INSIG1: variants seen among roughly 807,000 people sequenced by gnomAD.
INSIG1 encodes the protein insulin induced gene 1, also known as insulin-induced gene 1 protein.
A neutral mutation model predicts 26.5 loss-of-function variants in INSIG1; 14 were observed. That is an observed-to-expected ratio of 0.53 (90% CI 0.35 to 0.83). The LOEUF is 0.83. INSIG1 is among the 40% of genes least tolerant of loss of function. The probability of loss-of-function intolerance (pLI) is 0.01; values close to 1 mark genes in which losing one functional copy is unlikely to be tolerated. For missense variants in INSIG1, 272 were observed against 368.9 expected (o/e 0.74, Z 2.15); for synonymous variants, 147 against 153.3 (o/e 0.96, Z 0.30).
chr7:155,302,667 C>G lies in INSIG1; in HGVS notation c.705-80C>G, dbSNP rs1797822363. ...GATGGTTGATATGCGTTCTGCATAT[C>G]CCCACTACAGAGAATCTGTGATGTA... On this transcript the variant is annotated intron_variant, in intron 4 of 5. Transcript: ENST00000340368. The surrounding 1 kb of genome is among the most constrained non-coding windows in gnomAD (Gnocchi z 4.3). 2.9e-6 allele frequency: 3 copies of G among 1,031,364 alleles called. No homozygotes were observed. The highest frequency in any genetic ancestry group is 4.6e-6 in the Non-Finnish European group (3 of 658,344). The allele number at this position is 1,031,364 out of a possible 1,614,324, so 63.9% of individuals were successfully genotyped here.
intron 5 of INSIG1, among the ~76,000 whole-genome samples, chr7:155,307,215 ATTG>A (rs1797960183): frequency 6.6e-6 from 1 of 152,186 alleles, no homozygotes; most frequent in African/African-American, 2.4e-5. Context: ...AGAAGGTCTT[ATTG>A]TGTGTGTCCC....
At position 155,298,385 on chromosome 7, in the gene INSIG1, G is replaced by A. The variant is rs758403899; in HGVS notation, c.100G>A (p.Val34Ile). ...CAGCGCCGCGGGGCTGGCGGCCAAG[G>A]TTGGGGAGATGATCAACGTTTCCGT... ...RASAAGLAAK[V>I]GEMINVSVSG... The change falls in exon 2 of 6, where the codon GTT (valine) becomes ATT (isoleucine). Residue 34 changes from valine (V) to isoleucine (I), a missense_variant. Around this residue, in one of 2 missense-constraint regions of INSIG1, gnomAD observed 161 missense variants for 179.2 expected, o/e 0.90. Coordinates refer to ENST00000340368, the MANE Select transcript of INSIG1 (RefSeq NM_005542.6). 3 of 1,563,676 alleles carry A rather than the reference G, an allele frequency of 1.9e-6. No homozygotes were observed. The highest frequency in any genetic ancestry group is 4.6e-5 in the East Asian group (2 of 43,222).
At chr7:155,298,155 G>T (rs1301698978) in intron 1 of INSIG1, 104 bp from the exon 2 acceptor site, 3 of 1,013,630 alleles carry the variant, frequency 3.0e-6, no homozygotes, top group East Asian at 6.5e-5. Context: ...TCTAACCTTG[G>T]GGGGCGGCGC....
At position 155,302,809 on chromosome 7, in the gene INSIG1, G is replaced by A; in HGVS notation, c.767G>A (p.Gly256Asp). The change falls in exon 5 of 6, where the codon GGC becomes GAC. Residue 256 changes from glycine (G) to aspartate (D), a missense_variant. Physicochemically the swap from Gly to Asp is moderately conservative, Grantham distance 94. Coordinates refer to ENST00000340368, the MANE Select transcript of INSIG1 (RefSeq NM_005542.6). This position sits in a 1 kb window ranked among gnomAD's most constrained non-coding sequence, Gnocchi z 4.3. ...CTCCCTTGTATATTTTTCTCAGGAGGCGTCACGGTGGGGAACATAGGACGA... is the reference window on the plus strand; with the variant it reads ...CTCCCTTGTATATTTTTCTCAGGAGACGTCACGGTGGGGAACATAGGACGA... ...SWLPCIFFSG[G>D]VTVGNIGRQL... The A allele has an allele frequency of 6.2e-7, 1 of 1,612,256 alleles. No individual in the cohort carries two copies. The highest frequency in any genetic ancestry group is 1.1e-5 in the South Asian group (1 of 91,046).
intron 1 of INSIG1, 71 bp downstream of exon 1, chr7:155,298,030 A>G (rs1022289503): frequency 2.9e-5 from 10 of 347,208 alleles, no homozygotes; most frequent in African/African-American, 1.9e-4. Flanking sequence ...CCCCGGAGGT[A>G]GGCGGGCGCG....
chr7:155,308,204 T>C (rs200908027), intron 5 of INSIG1, 37 bp from the exon 6 acceptor site: 2 of 1,131,050 alleles, frequency 1.8e-6, no homozygotes, highest in Middle Eastern at 2.0e-4. Context: ...TTAGTGCTAA[T>C]TTTCTCTTTC....
chr7:155,298,137 C>A, intron 1 of INSIG1, 122 bp from the exon 2 acceptor site: 5 of 770,942 alleles, frequency 6.5e-6, no homozygotes, highest in Non-Finnish European at 7.3e-6. Context: ...CGGGCGGGCG[C>A]ACGGGGGTCT....
Position 155,298,408 on chromosome 7 carries a change from C to T in INSIG1, c.123C>T (p.Ser41=), listed in dbSNP as rs1797686700. The change falls in exon 2 of 6, where the codon TCC becomes TCT. Residue 41 remains serine (S), a synonymous_variant. Transcript: ENST00000340368. ...AGGTTGGGGAGATGATCAACGTTTCCGTGTCCGGGCCCTCCCTGCTGGCGG... is the reference window on the plus strand; with the variant it reads ...AGGTTGGGGAGATGATCAACGTTTCTGTGTCCGGGCCCTCCCTGCTGGCGG... The part of the protein sequence containing the change: ...AAKVGEMINV[S]VSGPSLLAAH... 1.3e-6 allele frequency: 2 copies of T among 1,558,812 alleles called. No homozygotes were observed.
chr7:155,302,932 T>A lies in INSIG1; in HGVS notation c.804+86T>A. ...TTTACATGATACATTCAAATTTGCG[T>A]TCATATATTCTGGTTCAGACTTGAG... On this transcript the variant is annotated intron_variant, in intron 5 of 5. Coordinates refer to ENST00000340368, the MANE Select transcript of INSIG1 (RefSeq NM_005542.6). The surrounding 1 kb of genome is among the most constrained non-coding windows in gnomAD (Gnocchi z 4.3). 1.1e-6 allele frequency: 1 copy of A among 913,360 alleles called. No homozygotes were observed. Among genetic ancestry groups the A allele is most frequent in the South Asian group, 1.5e-5 (1 of 68,870 alleles). The allele number at this position is 913,360 out of a possible 1,614,324, so 56.6% of individuals were successfully genotyped here.
At chr7:155,304,189 C>T (rs908103299) in intron 5 of INSIG1, among the ~76,000 whole-genome samples, 2 of 152,182 alleles carry the variant, frequency 1.3e-5, no homozygotes, top group Non-Finnish European at 1.5e-5. Flanking sequence ...GGCTCGAACT[C>T]GTGGGCTCAA....
intron 5 of INSIG1, among the ~76,000 whole-genome samples, chr7:155,304,985 A>AAAAG (rs1382417086): frequency 6.6e-6 from 1 of 150,824 alleles, no homozygotes; most frequent in Non-Finnish European, 1.5e-5. Context: ...AAAATACAAA[A>AAAAG]AAAAAAAAAA....
At chr7:155,304,981 C>CAAAAAA (rs764489772) in intron 5 of INSIG1, among the ~76,000 whole-genome samples, 1 of 129,794 alleles carries the variant, frequency 7.7e-6, no homozygotes, top group Non-Finnish European at 1.6e-5. Context: ...ACTAAAAATA[C>CAAAAAA]AAAAAAAAAA....
rs1183555700 is a variant in INSIG1 at position 155,309,083 on chromosome 7, G to A, written c.*813G>A. 1.3e-5 allele frequency: 2 copies of A among 152,512 alleles called. No individual in the cohort carries two copies. Among genetic ancestry groups the A allele is most frequent in the East Asian group, 3.9e-4 (2 of 5,192 alleles). The allele number at this position is 152,512 out of a possible 1,614,324, so 9.4% of individuals were successfully genotyped here. A position where few individuals can be genotyped will look rare whatever the true frequency, so the allele number is the denominator to read the frequency against. On this transcript the variant is annotated 3_prime_UTR_variant, in exon 6 of 6. Coordinates refer to ENST00000340368, the MANE Select transcript of INSIG1 (RefSeq NM_005542.6). ...ATTTCAATCTTAGTGAGCCAAAATT[G>A]TTTGTTTGTTACTACAGAATAGAGA...
At chr7:155,307,836 C>T (rs1797976344) in intron 5 of INSIG1, among the ~76,000 whole-genome samples, 1 of 152,218 alleles carries the variant, frequency 6.6e-6, no homozygotes, top group Non-Finnish European at 1.5e-5. Flanking sequence ...TTAGAACTTT[C>T]AGGAACCTAT....
chr7:155,301,527 A>C (rs761289239), intron 2 of INSIG1, 39 bp from the exon 3 acceptor site: 2 of 1,564,922 alleles, frequency 1.3e-6, no homozygotes, highest in Non-Finnish European at 1.7e-6. Context: ...TGGAACTTGA[A>C]TCTGCTGTAT....
intron 5 of INSIG1, 69 bp from the exon 6 acceptor site, chr7:155,308,172 G>A (rs1797985519): frequency 1.3e-6 from 1 of 791,438 alleles, no homozygotes; most frequent in South Asian, 1.6e-5. Context: ...CTACTTAATT[G>A]GTAATTAAAA....
At chr7:155,301,473 GGTTTGAGTAATGTACT>G in intron 2 of INSIG1, 77 bp from the exon 3 acceptor site, 1 of 1,153,554 alleles carries the variant, frequency 8.7e-7, no homozygotes, top group Non-Finnish European at 1.2e-6. Flanking sequence ...GAAAAGGACT[GGTTTGAGTAATGTACT>G]GTGTTACTAA....
At chr7:155,298,798 C>A in intron 2 of INSIG1, 101 bp downstream of exon 2, 1 of 1,132,768 alleles carries the variant, frequency 8.8e-7, no homozygotes, top group Non-Finnish European at 1.2e-6. Context: ...CTGGAACTAT[C>A]CACAGATTGA....
intron 5 of INSIG1, among the ~76,000 whole-genome samples, chr7:155,306,873 T>G (rs1460424926): frequency 6.6e-6 from 1 of 152,178 alleles, no homozygotes; most frequent in East Asian, 1.9e-4. Flanking sequence ...GGGTTGCCAT[T>G]TACAATGTGC....
Sources: gnomAD v4.1 joint callset for allele counts (sites outside exome capture counted in the v4.1 genomes callset) on GRCh38, gnomAD v4.1.1 for gene constraint, gnomAD v4.1.1 regional missense constraint, Gnocchi (gnomAD v3.1) non-coding constraint, MANE v1.5 for transcripts, NCBI Gene and HGNC (gene_info 2026-07-23, HGNC 2026-07-21) for gene names.